NPHP4: variants seen among roughly 807,000 people sequenced by gnomAD.
NPHP4 encodes nephrocystin 4.
In NPHP4, 151 loss-of-function variants were observed where a neutral mutation model predicts 155.8. The ratio of observed to expected loss-of-function variants is 0.97; its 90% CI spans 0.85 to 1.11. The LOEUF (loss-of-function observed/expected upper bound fraction) is 1.11. Among genes scored for constraint, NPHP4 ranks in the 50% least tolerant of loss-of-function variants. The pLI is 0.00. For missense variants in NPHP4, 1,956 were observed against 1,925.7 expected, an observed-to-expected ratio of 1.02 and a Z score of -0.29; for synonymous variants, 845 against 816.8, an observed-to-expected ratio of 1.03 and a Z score of -0.59.
At chr1:5,888,275 G>C (rs1557659040) in intron 17 of NPHP4, 6 of 921,376 alleles carry the variant, frequency 6.5e-6, no homozygotes. Context: ...AGGCATGTGG[G>C]GGATGACAAC....
At chr1:5,934,478 G>A (rs556014600) in intron 9 of NPHP4, among the ~76,000 whole-genome samples, 2 of 152,220 alleles carry the variant, frequency 1.3e-5, no homozygotes, top group South Asian at 2.1e-4. Flanking sequence ...CAAGCAGGAG[G>A]TGGTGACTGG....
intron 27 of NPHP4, 137 bp from the exon 28 acceptor site, chr1:5,864,654 C>T: frequency 1.4e-6 from 1 of 721,280 alleles, no homozygotes; most frequent in Non-Finnish European, 2.2e-6. Context: ...TCTGAGGCCA[C>T]AACCAACCCT....
At chr1:5,873,962 C>T in intron 22 of NPHP4, 1 of 218,372 alleles carries the variant, frequency 4.6e-6, no homozygotes, top group South Asian at 6.4e-5. Context: ...CCTGCACACA[C>T]ACCTCACATA....
In NPHP4 at chr1:5,867,620, C is replaced by T. The variant is rs1449941316; in HGVS notation, c.3472+120G>A. 1.7e-5 allele frequency: 17 copies of T among 1,015,140 alleles called. No individual in the cohort carries two copies. The highest frequency in any genetic ancestry group is 2.3e-5 in the Non-Finnish European group (16 of 692,768). 62.9% of individuals were successfully genotyped at this position (1,015,140 alleles called of 1,614,324 possible). A position where few individuals can be genotyped will look rare whatever the true frequency, so the allele number is the denominator to read the frequency against. The stretch of plus-strand genomic sequence containing the variant: ...AGGAGAGAGAATTCCCCAGGCCCCA[C>T]GTGCTGCTCTGACAGCACCAGGGCA... On this transcript the variant is annotated intron_variant, in intron 24 of 29. Transcript: ENST00000378156. This position sits in a 1 kb window ranked among gnomAD's most constrained non-coding sequence, Gnocchi z 4.1.
chr1:5,989,570 G>A (rs1655944133), intron 1 of NPHP4, among the ~76,000 whole-genome samples: 1 of 54,456 alleles, frequency 1.8e-5, no homozygotes, highest in Non-Finnish European at 4.3e-5. Context: ...TCAGTAAATG[G>A]TCACGGAACC....
intron 18 of NPHP4, 50 bp downstream of exon 18, chr1:5,887,236 G>C: frequency 6.5e-7 from 1 of 1,540,330 alleles, no homozygotes; most frequent in Non-Finnish European, 8.8e-7. Context: ...CACTCTACCA[G>C]AGGGGTTGGG....
intron 16 of NPHP4, among the ~76,000 whole-genome samples, chr1:5,904,359 C>T (rs947825811): frequency 3.3e-5 from 5 of 152,286 alleles, no homozygotes; most frequent in Non-Finnish European, 5.9e-5. Flanking sequence ...TTTAGATATA[C>T]ATAAGGAAAT....
intron 10 of NPHP4, among the ~76,000 whole-genome samples, chr1:5,928,278 A>C (rs1474124851): frequency 6.6e-6 from 1 of 152,250 alleles, no homozygotes; most frequent in Non-Finnish European, 1.5e-5. Flanking sequence ...CTTTTTGAGA[A>C]TGTCAAAAAA....
At chr1:5,991,841 TGCGCGCGGACTA>T (rs1282480034) in intron 1 of NPHP4, among the ~76,000 whole-genome samples, 41 of 149,678 alleles carry the variant, frequency 2.7e-4, no homozygotes, top group Non-Finnish European at 5.2e-4. Flanking sequence ...CTGGGAAGGA[TGCGCGCGGACTA>T]GGGCGCGGGG....
At chr1:5,941,863 C>A (rs944809560) in intron 9 of NPHP4, among the ~76,000 whole-genome samples, 1 of 152,098 alleles carries the variant, frequency 6.6e-6, no homozygotes, top group Non-Finnish European at 1.5e-5. Flanking sequence ...ACAGGGGGCC[C>A]TGGGGACAGG....
rs750158895 is a variant in NPHP4, at chr1:5,909,231, G to A, written c.1442-18C>T. ...TGGCGGGCCTGGGAGGAAGCACAGTGGGGTAGGAGAGGGAATGTGTCAGCC... is the reference window on the plus strand; with the variant it reads ...TGGCGGGCCTGGGAGGAAGCACAGTAGGGTAGGAGAGGGAATGTGTCAGCC... On this transcript the variant is annotated intron_variant, in intron 11 of 29. Coordinates refer to ENST00000378156, the MANE Select transcript of NPHP4 (RefSeq NM_015102.5). The A allele has an allele frequency of 6.3e-7, 1 of 1,594,216 alleles. No homozygotes were observed. Among genetic ancestry groups the A allele is most frequent in the Non-Finnish European group, 8.6e-7 (1 of 1,169,500 alleles).
At chr1:5,864,615 A>G in intron 27 of NPHP4, 98 bp from the exon 28 acceptor site, 1 of 1,207,298 alleles carries the variant, frequency 8.3e-7, no homozygotes, top group Non-Finnish European at 1.1e-6. Context: ...GGGGAGCCCA[A>G]GGTCATGGGT....
intron 2 of NPHP4, among the ~76,000 whole-genome samples, chr1:5,982,160 G>A (rs806103): frequency 0.84 from 127,570 of 152,064 alleles, 53,741 homozygotes; most frequent in African/African-American, 0.94. Context: ...ATCAACTTCT[G>A]GCTTTGCTGA....
chr1:5,904,917 T>A, intron 15 of NPHP4, 113 bp from the exon 16 acceptor site: 1 of 1,085,296 alleles, frequency 9.2e-7, no homozygotes, highest in Non-Finnish European at 1.4e-6. Context: ...TGGGGAACAG[T>A]AAAGAGGCTG....
chr1:5,930,145 T>G (rs935228924), intron 10 of NPHP4, among the ~76,000 whole-genome samples: 14 of 152,212 alleles, frequency 9.2e-5, no homozygotes, highest in African/African-American at 3.4e-4. Context: ...TGTACTGATA[T>G]TCCTTCTTTC....
In NPHP4 at chr1:5,905,832, G is replaced by A. The variant is rs532423259; in HGVS notation, c.1612-49C>T. ...GTGAGGCCACCAAGGACCCCAACCC[G>A]TAACAACCAACGGTGCTCAGATCTA... is the stretch of plus-strand genomic sequence containing the variant. On this transcript the variant is annotated intron_variant, in intron 13 of 29. Coordinates refer to ENST00000378156, the MANE Select transcript of NPHP4 (RefSeq NM_015102.5). The surrounding 1 kb of genome is among the most constrained non-coding windows in gnomAD (Gnocchi z 4.0). The A allele has an allele frequency of 1.0e-4, 159 of 1,552,090 alleles. 1 individual carries two copies. The South Asian group carries it at 1.5e-3, about 15-fold the overall frequency.
intron 17 of NPHP4, chr1:5,888,691 C>G: frequency 9.3e-7 from 1 of 1,071,834 alleles, no homozygotes; most frequent in Admixed American, 2.2e-5. Flanking sequence ...AACAAGGCAC[C>G]ATTTTCCTCC....
rs12081133 is a variant in NPHP4, at chr1:5,890,770, T to C, written c.2304+98A>G. 7,009 of 1,154,172 alleles carry C rather than the reference T, an allele frequency of 6.1e-3. 192 individuals are homozygous for C. In the African/African-American group the frequency reaches 0.077, roughly 13 times the overall value. 71.5% of individuals were successfully genotyped at this position (1,154,172 alleles called of 1,614,324 possible). ...AAGGTCAAACAAGTCCTGTGCGGGA[T>C]AGCGCCCGCTCCTTCCAAGCAGACA... On this transcript the variant is annotated intron_variant, in intron 17 of 29. Transcript: ENST00000378156. The surrounding 1 kb of genome is among the most constrained non-coding windows in gnomAD (Gnocchi z 4.9).
rs875574 is a variant in NPHP4, at chr1:5,967,107, C to A, written c.517+192G>T. ...CACAAACCAATGCCCTCCCTCAGGG[C>A]TGGTGTGTTTCAGTTCTTTACTTTC... On this transcript the variant is annotated intron_variant, in intron 5 of 29. Coordinates refer to ENST00000378156, the MANE Select transcript of NPHP4 (RefSeq NM_015102.5). Among the ~76,000 whole-genome samples the A allele has an allele frequency of 0.66, 100,546 of 152,160 alleles. 33,173 individuals carry two copies. The highest frequency in any genetic ancestry group is 0.76 in the East Asian group (3,936 of 5,182).
Sources: allele counts gnomAD v4.1 joint callset (sites outside exome capture counted in the v4.1 genomes callset), GRCh38; gene constraint gnomAD v4.1.1; non-coding constraint Gnocchi (gnomAD v3.1); transcripts MANE v1.5; gene names NCBI Gene and HGNC (gene_info 2026-07-23, HGNC 2026-07-21).